Variants in TMX2 observed in about 807,000 individuals in gnomAD.
The protein encoded by TMX2 is thioredoxin related transmembrane protein 2.
Under a neutral mutation model 33.4 loss-of-function variants are expected in TMX2, and 20 were observed. The observed-to-expected ratio is 0.60, with a 90% CI of 0.42 to 0.87. The LOEUF is 0.87. Among genes scored for constraint, TMX2 ranks in the 40% least tolerant of loss-of-function variants. TMX2 has a pLI of 0.00. For synonymous variants in TMX2, 166 were observed against 140.7 expected (o/e 1.18, Z -1.27); for missense variants, 340 against 370.7 (o/e 0.92, Z 0.68).
intron 4 of TMX2, 69 bp downstream of exon 4, chr11:57,738,499 C>A: frequency 7.5e-7 from 1 of 1,326,176 alleles, no homozygotes; most frequent in Non-Finnish European, 1.1e-6. Flanking sequence ...GCTCTCCATT[C>A]ACTAGGAGGA....
At chr11:57,736,572 C>T (rs1948764258) in intron 1 of TMX2, among the ~76,000 whole-genome samples, 1 of 151,632 alleles carries the variant, frequency 6.6e-6, no homozygotes, top group Non-Finnish European at 1.5e-5. Context: ...TATCACGATG[C>T]ATATTGGGTG....
At chr11:57,718,480 G>T in intron 1 of TMX2, 1 of 918,072 alleles carries the variant, frequency 1.1e-6, no homozygotes, top group Non-Finnish European at 1.8e-6. Context: ...AGGAGATGCG[G>T]CCCAGGGGCT....
chr11:57,738,829 G>A, intron 5 of TMX2, 59 bp downstream of exon 5: 3 of 1,568,398 alleles, frequency 1.9e-6, no homozygotes, highest in Non-Finnish European at 2.6e-6. Context: ...CCCTCTCACT[G>A]TTTTTGGCTT....
chr11:57,724,541 T>C (rs1947849076), intron 1 of TMX2, among the ~76,000 whole-genome samples: 1 of 151,090 alleles, frequency 6.6e-6, no homozygotes, highest in African/African-American at 2.4e-5. Context: ...CCCTCATAGG[T>C]CTTACAGATG....
chr11:57,716,485 T>A (rs866193295), intron 1 of TMX2, among the ~76,000 whole-genome samples: 4,495 of 30,488 alleles, frequency 0.15, no homozygotes, highest in East Asian at 0.4. Context: ...CTGGCCGGGC[T>A]GAGGGGCTCC....
chr11:57,719,827 TA>T (rs1414368194), intron 1 of TMX2, among the ~76,000 whole-genome samples: 1 of 152,108 alleles, frequency 6.6e-6, no homozygotes, highest in Non-Finnish European at 1.5e-5. Context: ...CTTGAAAATG[TA>T]AAATTTCATT....
chr11:57,732,574 G>T (rs576270528), intron 1 of TMX2, among the ~76,000 whole-genome samples: 1 of 152,040 alleles, frequency 6.6e-6, no homozygotes, highest in African/African-American at 2.4e-5. Flanking sequence ...CAAAATGCTG[G>T]AAGTTTTATA....
chr11:57,721,904 G>A (rs1415087991), intron 1 of TMX2, among the ~76,000 whole-genome samples: 1 of 152,104 alleles, frequency 6.6e-6, no homozygotes, highest in South Asian at 2.1e-4. Flanking sequence ...GGCCCTCCCT[G>A]GATTGGACTT....
Position 57,738,992 on chromosome 11 carries a change from A to G in TMX2, c.567A>G (p.Leu189=). The change falls in exon 6 of 8, where the codon CTA becomes CTG. Residue 189 remains leucine, a synonymous_variant. Coordinates refer to ENST00000278422, the MANE Select transcript of TMX2 (RefSeq NM_015959.4). The part of the protein sequence containing the change: ...DLSLKYNCTG[L]NFGKVDVGRY... ...TTTTCAGATACAACTGTACAGGGCT[A>G]AATTTTGGGAAGGTGGATGTTGGAC... 6.2e-7 allele frequency: 1 copy of G among 1,614,112 alleles called. No homozygotes were observed. Among genetic ancestry groups the G allele is most frequent in the Non-Finnish European group, 8.5e-7 (1 of 1,180,006 alleles).
chr11:57,716,812 C>T (rs1376294421), intron 1 of TMX2, among the ~76,000 whole-genome samples: 1 of 149,836 alleles, frequency 6.7e-6, no homozygotes, highest in Admixed American at 6.6e-5. Context: ...CCTCACCTCC[C>T]GGACGGGGCG....
At chr11:57,738,309 G>A (rs1399196476) in intron 3 of TMX2, 45 bp from the exon 4 acceptor site, 6 of 1,437,058 alleles carry the variant, frequency 4.2e-6, no homozygotes, top group East Asian at 4.5e-5. Context: ...AATTCCCTGT[G>A]TAAGGCTTTT....
intron 1 of TMX2, among the ~76,000 whole-genome samples, chr11:57,716,074 GC>G: frequency 6.6e-6 from 1 of 152,116 alleles, no homozygotes; most frequent in Non-Finnish European, 1.5e-5. Context: ...TGTCATCCCG[GC>G]CCGTTCTCAA....
At chr11:57,723,177 G>A (rs187578530) in intron 1 of TMX2, among the ~76,000 whole-genome samples, 13 of 151,974 alleles carry the variant, frequency 8.6e-5, no homozygotes, top group Non-Finnish European at 1.8e-4. Flanking sequence ...TTTCTTTTTT[G>A]TTAAGAAACT....
At chr11:57,739,362 C>A in intron 7 of TMX2, 102 bp downstream of exon 7, 1 of 1,281,012 alleles carries the variant, frequency 7.8e-7, no homozygotes, top group Non-Finnish European at 1.1e-6. Flanking sequence ...TGCCCATTAG[C>A]TTTGAGGGTG....
chr11:57,717,749 GAGAGGGAGAGGC>G (rs1452136932), intron 1 of TMX2, among the ~76,000 whole-genome samples: 2 of 147,746 alleles, frequency 1.4e-5, no homozygotes, highest in African/African-American at 5.1e-5. Flanking sequence ...GGGGAGAGGG[GAGAGGGAGAGGC>G]AGAGGCAGAG....
intron 1 of TMX2, among the ~76,000 whole-genome samples, chr11:57,724,993 C>T (rs1160170570): frequency 3.4e-5 from 5 of 148,250 alleles, no homozygotes; most frequent in South Asian, 2.1e-4. Context: ...GAGCCAAGAT[C>T]GTGCCACTGC....
chr11:57,737,782 C>A, intron 2 of TMX2, 114 bp downstream of exon 2: 1 of 1,587,740 alleles, frequency 6.3e-7, no homozygotes. Flanking sequence ...CGTTTAATTC[C>A]AAGGCTGAAT....
At chr11:57,716,640 C>T (rs1384556869) in intron 1 of TMX2, among the ~76,000 whole-genome samples, 3 of 137,366 alleles carry the variant, frequency 2.2e-5, no homozygotes, top group South Asian at 2.4e-4. Context: ...CCCTCCCGGA[C>T]GGGGCGGCTG....
intron 1 of TMX2, among the ~76,000 whole-genome samples, chr11:57,722,331 GA>G (rs1199065984): frequency 6.6e-6 from 1 of 151,968 alleles, no homozygotes; most frequent in Admixed American, 6.6e-5. Context: ...AAAAGGAGAA[GA>G]AAAAGATAAA....
Sources: allele counts gnomAD v4.1 joint callset (sites outside exome capture counted in the v4.1 genomes callset), GRCh38; gene constraint gnomAD v4.1.1; transcripts MANE v1.5; gene names NCBI Gene and HGNC (gene_info 2026-07-23, HGNC 2026-07-21).